Variants in DLGAP2 observed in about 807,000 individuals in gnomAD.
DLGAP2 encodes the protein DLG associated protein 2.
In DLGAP2, 26 loss-of-function variants were observed where a neutral mutation model predicts 100.3. The ratio of observed to expected loss-of-function variants is 0.26; its 90% CI spans 0.19 to 0.36. DLGAP2 has a LOEUF of 0.36. Among genes scored for constraint, DLGAP2 ranks in the 10% least tolerant of loss-of-function variants. The probability of loss-of-function intolerance (pLI) is 1.00; values close to 1 mark genes in which losing one functional copy is unlikely to be tolerated. For missense variants in DLGAP2, 1,858 were observed against 1,453.2 expected (o/e 1.28, Z -4.53); for synonymous variants, 886 against 630.1 (o/e 1.41, Z -6.08).
intron 13 of DLGAP2, among the ~76,000 whole-genome samples, chr8:1,693,822 G>C (rs1384954394): frequency 6.6e-6 from 1 of 152,162 alleles, no homozygotes; most frequent in East Asian, 1.9e-4. Context: ...TGAGTGCCTC[G>C]AAAGAAGCCT....
chr8:827,503 G>T (rs752160718), intron 1 of DLGAP2, among the ~76,000 whole-genome samples: 1 of 152,128 alleles, frequency 6.6e-6, no homozygotes, highest in Non-Finnish European at 1.5e-5. Flanking sequence ...AAATAATTAC[G>T]TGTATAACGC....
chr8:1,410,517 G>A (rs748801342), intron 3 of DLGAP2, among the ~76,000 whole-genome samples: 1 of 152,218 alleles, frequency 6.6e-6, no homozygotes, highest in African/African-American at 2.4e-5. Context: ...TCCTGCAGGG[G>A]TCCATCTGCA....
intron 2 of DLGAP2, among the ~76,000 whole-genome samples, chr8:948,535 C>G (rs1341332700): frequency 1.3e-5 from 2 of 152,248 alleles, no homozygotes; most frequent in Non-Finnish European, 2.9e-5. Context: ...CTCCTCCGCT[C>G]TGCTCCCTGA....
intron 1 of DLGAP2, among the ~76,000 whole-genome samples, chr8:777,429 C>A (rs1339880633): frequency 6.6e-6 from 1 of 151,916 alleles, no homozygotes; most frequent in Non-Finnish European, 1.5e-5. Context: ...TTAGTTGATG[C>A]AGTTTCTTCC....
chr8:881,759 C>T (rs1797802554), intron 1 of DLGAP2, among the ~76,000 whole-genome samples: 1 of 150,982 alleles, frequency 6.6e-6, no homozygotes, highest in Admixed American at 6.6e-5. Context: ...CCTTGTGATC[C>T]ACCCGCCTCA....
intron 2 of DLGAP2, among the ~76,000 whole-genome samples, chr8:1,069,179 G>A (rs1395829747): frequency 6.6e-6 from 1 of 152,194 alleles, no homozygotes; most frequent in Non-Finnish European, 1.5e-5. Context: ...GAACGAATTG[G>A]GCCCCAAATT....
rs111630322 is a variant in DLGAP2, at chr8:1,469,196, G to C, written c.107-32170G>C. 1.1e-4 allele frequency among the ~76,000 whole-genome samples: 17 copies of C among 152,352 alleles called. 1 individual carries two copies. Among genetic ancestry groups the C allele is most frequent in the African/African-American group, 3.8e-4 (16 of 41,584 alleles). On this transcript the variant is annotated intron_variant, in intron 3 of 14. Coordinates refer to ENST00000637795, the MANE Select transcript of DLGAP2 (RefSeq NM_001346810.2). ...CTGTGGCAGATCCTCCAGTCCTGGGGCTTCCTCCCCTCGCCCAGCTCCTGC... is the reference window on the plus strand; with the variant it reads ...CTGTGGCAGATCCTCCAGTCCTGGGCCTTCCTCCCCTCGCCCAGCTCCTGC...
intron 1 of DLGAP2, among the ~76,000 whole-genome samples, chr8:876,910 A>T (rs976140298): frequency 7.2e-5 from 6 of 83,472 alleles, no homozygotes; most frequent in African/African-American, 4.0e-4. Context: ...TGGAATCTAC[A>T]GTTAAACCCC....
intron 2 of DLGAP2, among the ~76,000 whole-genome samples, chr8:949,529 C>T (rs1005450581): frequency 6.6e-6 from 1 of 152,158 alleles, no homozygotes; most frequent in African/African-American, 2.4e-5. Context: ...GAGGAAGGCA[C>T]AGTCGGGCCA....
At chr8:1,642,753 C>T (rs113614792) in intron 8 of DLGAP2, among the ~76,000 whole-genome samples, 1 of 13,356 alleles carries the variant, frequency 7.5e-5, no homozygotes, top group Admixed American at 6.4e-4. Flanking sequence ...AACCCGCCGG[C>T]CCTCACCTGT....
intron 3 of DLGAP2, among the ~76,000 whole-genome samples, chr8:1,411,037 G>T (rs548654124): frequency 6.6e-6 from 1 of 152,238 alleles, no homozygotes; most frequent in Admixed American, 6.5e-5. Context: ...TTGAGTTTCA[G>T]TGCATAAAAG....
chr8:1,550,551 G>A (rs577878390), intron 5 of DLGAP2, among the ~76,000 whole-genome samples: 10 of 152,226 alleles, frequency 6.6e-5, no homozygotes, highest in Admixed American at 5.2e-4. Flanking sequence ...TGCGACATTC[G>A]TGAGTTCACT....
In DLGAP2 at chr8:1,162,437, C is replaced by CT. The variant is rs758479230; in HGVS notation, c.74-96413dup. Among the ~76,000 whole-genome samples the CT allele has an allele frequency of 7.9e-5, 12 of 152,178 alleles. 1 individual carries two copies. Among genetic ancestry groups the CT allele is most frequent in the Non-Finnish European group, 1.2e-4 (8 of 68,020 alleles). On this transcript the variant is annotated intron_variant, in intron 2 of 14. Coordinates refer to ENST00000637795, the MANE Select transcript of DLGAP2 (RefSeq NM_001346810.2). ...AGGAAAATGCATCAGTTAAAGCAGT[C>CT]TGTTTCTACTCGTGGAAGAGAAATA...
intron 3 of DLGAP2, among the ~76,000 whole-genome samples, chr8:1,271,147 T>C (rs1448288830): frequency 6.6e-6 from 1 of 152,128 alleles, no homozygotes; most frequent in Non-Finnish European, 1.5e-5. Context: ...AATTAAATCA[T>C]AAACCCACAA....
chr8:1,613,372 T>G (rs911086386), intron 6 of DLGAP2, among the ~76,000 whole-genome samples: 1 of 147,060 alleles, frequency 6.8e-6, no homozygotes, highest in African/African-American at 2.5e-5. Flanking sequence ...AAGGGGAACA[T>G]CACACTCTGG....
chr8:1,098,704 A>G (rs1804478639), intron 2 of DLGAP2, among the ~76,000 whole-genome samples: 1 of 127,106 alleles, frequency 7.9e-6, no homozygotes, highest in Admixed American at 7.7e-5. Flanking sequence ...CACCCACGCC[A>G]GGCTCCCGGC....
At position 1,678,503 on chromosome 8, in the gene DLGAP2, A is replaced by T. The variant is rs1400910010; in HGVS notation, c.2578A>T (p.Arg860Trp). Reference sequence around the variant, plus strand: ...CGCCATCGACACGGTAGAGACTGGGAGGATGTCTCCGTGCCGCAGGGATGG... The same window carrying T: ...CGCCATCGACACGGTAGAGACTGGGTGGATGTCTCCGTGCCGCAGGGATGG... ...EPAIDTVETG[R>W]MSPCRRDGSW... is the part of the protein sequence containing the mutation. The change falls in exon 12 of 15, where the codon AGG (arginine) becomes TGG (tryptophan). Residue 860 changes from arginine to tryptophan, a missense_variant. Coordinates refer to ENST00000637795, the MANE Select transcript of DLGAP2 (RefSeq NM_001346810.2). 2 of 1,612,000 alleles carry T rather than the reference A, an allele frequency of 1.2e-6. No individual in the cohort carries two copies. The highest frequency in any genetic ancestry group is 3.3e-5 in the Admixed American group (2 of 59,724).
At chr8:1,146,729 C>A (rs1796615291) in intron 2 of DLGAP2, among the ~76,000 whole-genome samples, 1 of 152,164 alleles carries the variant, frequency 6.6e-6, no homozygotes, top group Non-Finnish European at 1.5e-5. Flanking sequence ...TTTCCTAAGG[C>A]ATATCCAGTT....
chr8:1,657,436 C>T (rs188225651), intron 8 of DLGAP2, among the ~76,000 whole-genome samples: 2 of 152,248 alleles, frequency 1.3e-5, no homozygotes, highest in African/African-American at 4.8e-5. Context: ...ATCACCCACA[C>T]CATCCAACTG....
Sources: gnomAD v4.1 joint callset for allele counts (sites outside exome capture counted in the v4.1 genomes callset) on GRCh38, gnomAD v4.1.1 for gene constraint, MANE v1.5 for transcripts, NCBI Gene and HGNC (gene_info 2026-07-23, HGNC 2026-07-21) for gene names.